Variants in FLRT1 observed in about 807,000 individuals in gnomAD.
The protein encoded by FLRT1 is fibronectin leucine rich transmembrane protein 1, also known as leucine-rich repeat transmembrane protein FLRT1.
A neutral mutation model predicts 30.9 loss-of-function variants in FLRT1; 14 were observed. The observed-to-expected ratio is 0.45, with a 90% CI of 0.30 to 0.71. FLRT1 has a LOEUF of 0.71. Ranked by LOEUF, FLRT1 falls within the 30% of genes least tolerant of loss-of-function variation. The pLI is 0.08. For missense variants in FLRT1, 737 were observed against 949.2 expected, an observed-to-expected ratio of 0.78 and a Z score of 2.94; for synonymous variants, 368 against 430.4, an observed-to-expected ratio of 0.85 and a Z score of 1.80.
At chr11:64,086,599 G>A (rs796249596) in intron 1 of FLRT1, among the ~76,000 whole-genome samples, 19 of 152,218 alleles carry the variant, frequency 1.2e-4, no homozygotes, top group African/African-American at 4.1e-4. Context: ...GCGGTTCTGC[G>A]ACTGGGGTGC....
At chr11:64,112,233 G>A (rs1467511811) in intron 2 of FLRT1, among the ~76,000 whole-genome samples, 2 of 152,134 alleles carry the variant, frequency 1.3e-5, no homozygotes, top group African/African-American at 2.4e-5. Context: ...AAACAAAAAA[G>A]GGCCAGGCAC....
rs1357391462 is a variant in FLRT1 at position 64,102,698 on chromosome 11, G to C, written c.-1037-496G>C. Among the ~76,000 whole-genome samples the C allele has an allele frequency of 2.0e-5, 3 of 152,156 alleles. No homozygotes were observed. The East Asian group carries it at 5.8e-4, about 29-fold the overall frequency. ...GGCACCATGCATGGCCAATTGTCAG[G>C]ATTTGGAAAGAGGCAGGAGATAGGG... On this transcript the variant is annotated intron_variant, in intron 1 of 2. Transcript: ENST00000682287.
In FLRT1 at chr11:64,117,581, C is replaced by T; in HGVS notation, c.1314C>T (p.Thr438=). Residue 438 remains threonine, a synonymous_variant, in exon 3 of 3, where the codon ACC becomes ACT. Transcript: ENST00000682287. ...YPMATGDGAK[T]LAIHVKALTA... ...TGGCCACGGGTGATGGCGCCAAGAC[C>T]CTGGCCATCCACGTGAAGGCCCTGA... 1 of 1,611,468 alleles carries T rather than the reference C, an allele frequency of 6.2e-7. No individual in the cohort carries two copies. The highest frequency in any genetic ancestry group is 1.3e-5 in the African/African-American group (1 of 75,042).
intron 1 of FLRT1, among the ~76,000 whole-genome samples, chr11:64,071,784 G>T (rs1185825801): frequency 6.6e-6 from 1 of 152,204 alleles, no homozygotes; most frequent in East Asian, 1.9e-4. Context: ...CTCAGGGCCT[G>T]TGGGGCCTAA....
chr11:64,081,387 C>T (rs1565223579), intron 1 of FLRT1, among the ~76,000 whole-genome samples: 2 of 152,154 alleles, frequency 1.3e-5, no homozygotes, highest in African/African-American at 4.8e-5. Flanking sequence ...GAGTGCTGGG[C>T]GTGCTCAGGG....
In FLRT1 at chr11:64,096,895, G is replaced by A. The variant is rs901316578; in HGVS notation, c.-1037-6299G>A. ...CCGGCAGAGCTGAGAGCCGATGCCT[G>A]TCCCTCCGTGAGCTGGGTGCGAGTG... On this transcript the variant is annotated intron_variant, in intron 1 of 2. Coordinates refer to ENST00000682287, the MANE Select transcript of FLRT1 (RefSeq NM_013280.5). This position sits in a 1 kb window ranked among gnomAD's most constrained non-coding sequence, Gnocchi z 4.6. 1.3e-5 allele frequency among the ~76,000 whole-genome samples: 2 copies of A among 152,230 alleles called. No homozygotes were observed. The highest frequency in any genetic ancestry group is 4.8e-5 in the African/African-American group (2 of 41,472).
rs1329963130 is a variant in FLRT1, at chr11:64,116,768, C to T, written c.501C>T (p.Ser167=). 2.5e-6 allele frequency: 4 copies of T among 1,613,576 alleles called. No homozygotes were observed. The highest frequency in any genetic ancestry group is 3.4e-6 in the Non-Finnish European group (4 of 1,180,046). The part of the protein sequence containing the change: ...HLDDNSVSTV[S]IEEDAFADSK... ...ATGACAACTCCGTGTCCACCGTCAGCATTGAGGAGGACGCCTTCGCCGACA... is the reference window on the plus strand; with the variant it reads ...ATGACAACTCCGTGTCCACCGTCAGTATTGAGGAGGACGCCTTCGCCGACA... The change falls in exon 3 of 3, where the codon AGC becomes AGT. Residue 167 remains serine (S), a synonymous_variant. Transcript: ENST00000682287.
intron 1 of FLRT1, among the ~76,000 whole-genome samples, chr11:64,084,093 G>A (rs899846677): frequency 3.3e-5 from 5 of 152,174 alleles, no homozygotes; most frequent in Admixed American, 2.0e-4. Context: ...TCCTGCACAC[G>A]GGCCTGTGTG....
At chr11:64,039,521 C>T (rs502224) in intron 1 of FLRT1, among the ~76,000 whole-genome samples, 38,006 of 152,012 alleles carry the variant, frequency 0.25, 5,757 homozygotes, top group African/African-American at 0.43. Context: ...CCATGGGACA[C>T]TCACCCTGAG....
intron 2 of FLRT1, among the ~76,000 whole-genome samples, chr11:64,111,660 G>C (rs987445901): frequency 6.6e-6 from 1 of 152,200 alleles, no homozygotes; most frequent in Non-Finnish European, 1.5e-5. Context: ...GTGAAGGGGG[G>C]TGGGTGAGGT....
intron 1 of FLRT1, among the ~76,000 whole-genome samples, chr11:64,101,277 A>G (rs1367750420): frequency 2.0e-5 from 3 of 151,924 alleles, no homozygotes; most frequent in Admixed American, 6.6e-5. Flanking sequence ...GCCCTTGGAG[A>G]CTACTGTAGG....
At chr11:64,065,651 A>G (rs372528349) in intron 1 of FLRT1, among the ~76,000 whole-genome samples, 7,288 of 152,050 alleles carry the variant, frequency 0.048, 247 homozygotes, top group South Asian at 0.14. Flanking sequence ...TTAGCCAGGC[A>G]TGGTGGCGGC....
chr11:64,117,709 C>G lies in FLRT1; in HGVS notation c.1442C>G (p.Thr481Arg). The G allele has an allele frequency of 6.2e-7, 1 of 1,613,588 alleles. No homozygotes were observed. ...CACAGCCCAGCCGTGGGCTCCATCA[C>G]GGAGACCTTGGTGCAGGGGGACAAG... ...LGHSPAVGSITETLVQGDKTE... is the reference protein window; with the variant it reads ...LGHSPAVGSIRETLVQGDKTE... Residue 481 changes from threonine to arginine, a missense_variant, in exon 3 of 3, where the codon ACG becomes AGG. By Grantham distance (71) the Thr-to-Arg change is moderately conservative. Coordinates refer to ENST00000682287, the MANE Select transcript of FLRT1 (RefSeq NM_013280.5).
At position 64,117,248 on chromosome 11, in the gene FLRT1, C is replaced by T. The variant is rs929171159; in HGVS notation, c.981C>T (p.Asn327=). 6.2e-7 allele frequency: 1 copy of T among 1,614,212 alleles called. No individual in the cohort carries two copies. Residue 327 remains asparagine, a synonymous_variant, in exon 3 of 3, where the codon AAC becomes AAT. Coordinates refer to ENST00000682287, the MANE Select transcript of FLRT1 (RefSeq NM_013280.5). Reference sequence around the variant, plus strand: ...ACCTGGCCCAGCTGCTGCTCAGGAACAACCCTTGGTTTTGTGGCTGCAACC... The same window carrying T: ...ACCTGGCCCAGCTGCTGCTCAGGAATAACCCTTGGTTTTGTGGCTGCAACC... ...LGNLAQLLLR[N]NPWFCGCNLM... is the part of the protein sequence containing the mutation.
At chr11:64,077,821 C>T (rs1401785300) in intron 1 of FLRT1, among the ~76,000 whole-genome samples, 2 of 152,230 alleles carry the variant, frequency 1.3e-5, no homozygotes, top group Non-Finnish European at 2.9e-5. Context: ...GACATTTGGG[C>T]AAGGAGTCTC....
intron 1 of FLRT1, among the ~76,000 whole-genome samples, chr11:64,055,948 G>A (rs372408107): frequency 9.9e-5 from 15 of 152,182 alleles, no homozygotes; most frequent in African/African-American, 3.4e-4. Context: ...GCCGACAGCC[G>A]TATCAGCACC....
intron 1 of FLRT1, among the ~76,000 whole-genome samples, chr11:64,054,235 C>T (rs981709999): frequency 6.6e-6 from 1 of 152,156 alleles, no homozygotes; most frequent in African/African-American, 2.4e-5. Context: ...AGAGGACAGA[C>T]CATAGCCTGC....
intron 1 of FLRT1, among the ~76,000 whole-genome samples, chr11:64,085,164 G>C (rs930868564): frequency 5.6e-4 from 85 of 152,198 alleles, no homozygotes; most frequent in African/African-American, 2.0e-3. Flanking sequence ...GGGGCTTGAG[G>C]GCAGAGGGCA....
intron 1 of FLRT1, among the ~76,000 whole-genome samples, chr11:64,051,924 G>A (rs1943702696): frequency 6.6e-6 from 1 of 151,810 alleles, no homozygotes; most frequent in South Asian, 2.1e-4. Flanking sequence ...GGTAGAGACT[G>A]GATACTCCAA....
Sources: gnomAD v4.1 joint callset for allele counts (sites outside exome capture counted in the v4.1 genomes callset) on GRCh38, gnomAD v4.1.1 for gene constraint, Gnocchi (gnomAD v3.1) non-coding constraint, MANE v1.5 for transcripts, NCBI Gene and HGNC (gene_info 2026-07-23, HGNC 2026-07-21) for gene names.